WDR44: variants seen among roughly 807,000 people sequenced by gnomAD.
WDR44 encodes the protein WD repeat-containing protein 44.
WDR44 carries 9 observed loss-of-function variants against 65.7 expected under a neutral mutation model. The ratio of observed to expected loss-of-function variants is 0.14; its 90% CI spans 0.08 to 0.24. The LOEUF (loss-of-function observed/expected upper bound fraction) is 0.24. WDR44 is among the 10% of genes least tolerant of loss of function. The pLI, the probability that WDR44 is intolerant of heterozygous loss-of-function variation, is 1.00. For missense variants in WDR44, 425 were observed against 670.9 expected (o/e 0.63, Z 4.05); for synonymous variants, 220 against 235.2 (o/e 0.94, Z 0.59).
At chrX:118,414,163 C>T (rs1370442520) in intron 12 of WDR44, among the ~76,000 whole-genome samples, 3 of 104,012 alleles carry the variant, frequency 2.9e-5, no homozygotes, top group Admixed American at 2.1e-4. Flanking sequence ...TGTGTGGGCT[C>T]TTTTGGTTCC....
intron 9 of WDR44, among the ~76,000 whole-genome samples, chrX:118,406,041 C>G: frequency 9.1e-6 from 1 of 110,445 alleles, no homozygotes; most frequent in Admixed American, 9.7e-5. Context: ...CTCAGAAGGC[C>G]AAGGAGCAGG....
At chrX:118,385,304 C>T (rs1230098050) in intron 2 of WDR44, among the ~76,000 whole-genome samples, 1 of 112,069 alleles carries the variant, frequency 8.9e-6, no homozygotes, top group African/African-American at 3.2e-5. Flanking sequence ...ACATATACAC[C>T]ATGGAATACT....
intron 1 of WDR44, among the ~76,000 whole-genome samples, chrX:118,372,945 C>T (rs2056627010): frequency 9.0e-6 from 1 of 110,813 alleles, no homozygotes; most frequent in Non-Finnish European, 1.9e-5. Flanking sequence ...AAAAATAAGC[C>T]GGGCTTGGGG....
Position 118,436,702 on chromosome X carries a change from A to T in WDR44, c.1852A>T (p.Asn618Tyr). 8.4e-7 allele frequency: 1 copy of T among 1,188,877 alleles called. No homozygotes were observed. Among genetic ancestry groups the T allele is most frequent in the Non-Finnish European group, 1.1e-6 (1 of 881,852 alleles). Residue 618 changes from asparagine to tyrosine, a missense_variant and splice_region_variant, in exon 14 of 20, where the codon AAC (asparagine) becomes TAC (tyrosine). By Grantham distance (143) the Asn-to-Tyr change is moderately radical (BLOSUM62 -2). Transcript: ENST00000254029. ...ADLLDLSWSK[N>Y]YFLLSSSMDK... ...ATAGTCAATGTCATTTTCCCCATAGAACTACTTTCTTCTTTCTTCTTCAAT... is the reference window on the plus strand; with the variant it reads ...ATAGTCAATGTCATTTTCCCCATAGTACTACTTTCTTCTTTCTTCTTCAAT...
chrX:118,366,666 G>C (rs2056555279), intron 1 of WDR44, among the ~76,000 whole-genome samples: 1 of 110,657 alleles, frequency 9.0e-6, no homozygotes, highest in Non-Finnish European at 1.9e-5. Context: ...TTATATAACA[G>C]CATGTTATAT....
At chrX:118,373,167 AAC>A (rs1259414272) in intron 1 of WDR44, among the ~76,000 whole-genome samples, 7 of 111,117 alleles carry the variant, frequency 6.3e-5, no homozygotes, top group African/African-American at 2.3e-4. Flanking sequence ...AAAACTATAA[AAC>A]ACAGACATTC....
chrX:118,383,878 CTTTTTTT>C (rs549809406), intron 2 of WDR44, among the ~76,000 whole-genome samples: 1 of 69,838 alleles, frequency 1.4e-5, no homozygotes, highest in Non-Finnish European at 2.6e-5. Context: ...TTTTTAATTT[CTTTTTTT>C]TTTTTTTTTT....
At chrX:118,361,914 A>G (rs1452820218) in intron 1 of WDR44, among the ~76,000 whole-genome samples, 2 of 112,493 alleles carry the variant, frequency 1.8e-5, no homozygotes, top group African/African-American at 6.5e-5. Flanking sequence ...GAGAAAAACC[A>G]CTTGCAGAAG....
chrX:118,410,987 G>T, intron 12 of WDR44, 28 bp downstream of exon 12: 1 of 1,095,444 alleles, frequency 9.1e-7, no homozygotes, highest in Non-Finnish European at 1.2e-6. Context: ...TGGTTACTCT[G>T]TTTTCAGGTA....
At position 118,352,155 on chromosome X, in the gene WDR44, G is replaced by GTT. The variant is rs202208400; in HGVS notation, c.77+5585_77+5586dup. ...TTGTGTTGTTTGTTTTTTGTTTTTT[G>GTT]TTTTTTTTTTTGAGACAGGGTCTCA... On this transcript the variant is annotated intron_variant, in intron 1 of 19. Transcript: ENST00000254029. Among the ~76,000 whole-genome samples, 458 of 87,735 alleles carry GTT rather than the reference G, an allele frequency of 5.2e-3. 5 individuals carry two copies. Among genetic ancestry groups the GTT allele is most frequent in the African/African-American group, 0.016 (374 of 22,811 alleles). 76.2% of individuals were successfully genotyped at this position (87,735 alleles called of 115,157 possible). A position where few individuals can be genotyped will look rare whatever the true frequency, so the allele number is the denominator to read the frequency against.
Position 118,441,315 on chromosome X carries a change from A to G in WDR44, c.1975-53A>G, listed in dbSNP as rs956266350. On this transcript the variant is annotated intron_variant, in intron 14 of 19. Coordinates refer to ENST00000254029, the MANE Select transcript of WDR44 (RefSeq NM_019045.5). ...GACTTACTGATTTGATTTGCTAATG[A>G]GTTTTTTCTTGATGTGGTAAAATGA... 15 of 1,056,555 alleles carry G rather than the reference A, an allele frequency of 1.4e-5. No individual in the cohort carries two copies. The East Asian group carries it at 3.6e-4, about 26-fold the overall frequency. 87.1% of individuals were successfully genotyped at this position (1,056,555 alleles called of 1,213,427 possible).
chrX:118,406,207 GC>G (rs911907954), intron 9 of WDR44, among the ~76,000 whole-genome samples: 1 of 111,244 alleles, frequency 9.0e-6, no homozygotes. Flanking sequence ...AGGGATTTGA[GC>G]ATTCGCAGAT....
intron 10 of WDR44, 106 bp downstream of exon 10, chrX:118,407,132 A>G (rs2056973945): frequency 3.8e-6 from 3 of 780,238 alleles, no homozygotes; most frequent in Non-Finnish European, 3.7e-6. Context: ...TGCTAGCCTG[A>G]CTCAAGAACG....
chrX:118,362,749 G>A (rs1275535006), intron 1 of WDR44, among the ~76,000 whole-genome samples: 2 of 109,403 alleles, frequency 1.8e-5, no homozygotes, highest in South Asian at 4.1e-4. Context: ...CTAACAGAAC[G>A]TAGGATTAAT....
chrX:118,347,145 T>G (rs886614179), intron 1 of WDR44, among the ~76,000 whole-genome samples: 13 of 111,804 alleles, frequency 1.2e-4, no homozygotes, highest in Non-Finnish European at 2.3e-4. Flanking sequence ...GAATGTACTC[T>G]AGATCAACAG....
chrX:118,393,674 C>A (rs2056841031), intron 4 of WDR44, among the ~76,000 whole-genome samples: 1 of 111,310 alleles, frequency 9.0e-6, no homozygotes, highest in Non-Finnish European at 1.9e-5. Context: ...CTTTATTTCA[C>A]TTTATTAAAA....
At position 118,381,755 on chromosome X, in the gene WDR44, T is replaced by C. The variant is rs1311210781; in HGVS notation, c.111+3303T>C. Reference sequence around the variant, plus strand: ...ACCCAGCTAATTTTTGTATTTTTAGTAGAGATGGGGTTTCACCATGTTGGC... The same window carrying C: ...ACCCAGCTAATTTTTGTATTTTTAGCAGAGATGGGGTTTCACCATGTTGGC... On this transcript the variant is annotated intron_variant, in intron 2 of 19. Coordinates refer to ENST00000254029, the MANE Select transcript of WDR44 (RefSeq NM_019045.5). 1.8e-5 allele frequency among the ~76,000 whole-genome samples: 2 copies of C among 108,622 alleles called. 1 individual carries two copies. Among genetic ancestry groups the C allele is most frequent in the South Asian group, 8.2e-4 (2 of 2,442 alleles). 94.3% of individuals were successfully genotyped at this position (108,622 alleles called of 115,157 possible).
At chrX:118,376,259 G>A (rs2056658780) in intron 1 of WDR44, among the ~76,000 whole-genome samples, 1 of 108,179 alleles carries the variant, frequency 9.2e-6, no homozygotes, top group Admixed American at 1.0e-4. Context: ...GTTGAGTAAA[G>A]GGATTGATTT....
intron 1 of WDR44, among the ~76,000 whole-genome samples, chrX:118,358,477 C>G (rs768100175): frequency 1.8e-5 from 2 of 111,696 alleles, no homozygotes; most frequent in African/African-American, 3.3e-5. Context: ...CTGAGGTGGA[C>G]GGATCACTTG....
Sources: allele counts gnomAD v4.1 joint callset (sites outside exome capture counted in the v4.1 genomes callset), GRCh38; gene constraint gnomAD v4.1.1; transcripts MANE v1.5; gene names NCBI Gene and HGNC (gene_info 2026-07-23, HGNC 2026-07-21).